The following R3HDM1 variants were observed in gnomAD, a reference collection of about 807,000 sequenced individuals.
R3HDM1 encodes the protein R3H domain-containing protein 1.
Under a neutral mutation model 141.1 loss-of-function variants are expected in R3HDM1, and 46 were observed. The observed-to-expected ratio is 0.33, with a 90% CI of 0.26 to 0.42. R3HDM1 has a LOEUF of 0.42. R3HDM1 is among the 10% of genes least tolerant of loss of function. The pLI, the probability that R3HDM1 is intolerant of heterozygous loss-of-function variation, is 1.00. For missense variants in R3HDM1, 1,184 were observed against 1,368.3 expected, an observed-to-expected ratio of 0.87 and a Z score of 2.12; for synonymous variants, 435 against 472.9, an observed-to-expected ratio of 0.92 and a Z score of 1.04.
chr2:135,536,386 A>G (rs549745460), intron 1 of R3HDM1: 5 of 247,414 alleles, frequency 2.0e-5, no homozygotes, highest in East Asian at 3.6e-4. Context: ...GGCGCAAGCA[A>G]TCCTCCTGCC....
chr2:135,650,837 A>C (rs1231924724), intron 17 of R3HDM1: 2 of 984,868 alleles, frequency 2.0e-6, no homozygotes, highest in South Asian at 4.7e-5. Context: ...GTCAACTTTG[A>C]TATGATGACT....
At chr2:135,617,956 A>G (rs1412247578) in intron 5 of R3HDM1, among the ~76,000 whole-genome samples, 1 of 152,198 alleles carries the variant, frequency 6.6e-6, no homozygotes, top group Non-Finnish European at 1.5e-5. Context: ...CTTGATTTAC[A>G]TGATACCCTC....
intron 1 of R3HDM1, among the ~76,000 whole-genome samples, chr2:135,562,395 G>A (rs1469438834): frequency 6.6e-6 from 1 of 152,172 alleles, no homozygotes; most frequent in Non-Finnish European, 1.5e-5. Context: ...AGAATTTAAA[G>A]TTGAGTATTA....
At chr2:135,689,262 G>A (rs566451738) in intron 21 of R3HDM1, among the ~76,000 whole-genome samples, 1 of 152,258 alleles carries the variant, frequency 6.6e-6, no homozygotes, top group East Asian at 1.9e-4. Flanking sequence ...CATTAGCAGA[G>A]AAGTCATGAT....
At chr2:135,686,595 G>A (rs548380851) in intron 21 of R3HDM1, among the ~76,000 whole-genome samples, 1 of 152,228 alleles carries the variant, frequency 6.6e-6, no homozygotes, top group East Asian at 1.9e-4. Flanking sequence ...AAGTAGCTGG[G>A]TATAGTGACA....
intron 5 of R3HDM1, among the ~76,000 whole-genome samples, chr2:135,618,935 G>A (rs1233269016): frequency 2.0e-5 from 3 of 151,414 alleles, no homozygotes; most frequent in South Asian, 2.1e-4. Context: ...CAGGAGAATC[G>A]CTTGAACCCA....
intron 21 of R3HDM1, among the ~76,000 whole-genome samples, chr2:135,702,859 C>G (rs966949103): frequency 6.6e-6 from 1 of 152,016 alleles, no homozygotes; most frequent in Non-Finnish European, 1.5e-5. Context: ...TAGGAACAGA[C>G]TTAAGAGGTG....
At chr2:135,542,120 CTCA>C (rs940519182) in intron 1 of R3HDM1, among the ~76,000 whole-genome samples, 22 of 152,254 alleles carry the variant, frequency 1.4e-4, no homozygotes, top group African/African-American at 5.3e-4. Flanking sequence ...TTGACTGCAA[CTCA>C]TCATGTAAGT....
chr2:135,716,206 G>A (rs1480587116), intron 24 of R3HDM1, among the ~76,000 whole-genome samples: 1 of 152,126 alleles, frequency 6.6e-6, no homozygotes, highest in Non-Finnish European at 1.5e-5. Flanking sequence ...AGGCTGAAGC[G>A]GGAGGATCAC....
At chr2:135,600,833 T>C (rs1428961875) in intron 1 of R3HDM1, among the ~76,000 whole-genome samples, 4 of 152,226 alleles carry the variant, frequency 2.6e-5, no homozygotes, top group African/African-American at 9.7e-5. Flanking sequence ...ACTTGAATGC[T>C]GAATTACAAT....
At chr2:135,594,003 A>AG (rs1671421704) in intron 1 of R3HDM1, among the ~76,000 whole-genome samples, 1 of 152,176 alleles carries the variant, frequency 6.6e-6, no homozygotes, top group Non-Finnish European at 1.5e-5. Context: ...TACAGGCATG[A>AG]GCCACTGCGC....
At chr2:135,555,963 C>T (rs1700683078) in intron 1 of R3HDM1, among the ~76,000 whole-genome samples, 1 of 152,050 alleles carries the variant, frequency 6.6e-6, no homozygotes, top group Admixed American at 6.6e-5. Flanking sequence ...CTGCAGTGAG[C>T]CATGATCTTG....
chr2:135,658,355 A>T (rs551217357), intron 18 of R3HDM1, among the ~76,000 whole-genome samples: 1 of 152,222 alleles, frequency 6.6e-6, no homozygotes, highest in African/African-American at 2.4e-5. Flanking sequence ...TTTAGTAGAG[A>T]CAGGGTTTCA....
chr2:135,682,742 A>G lies in R3HDM1; in HGVS notation c.2459+2418A>G, dbSNP rs577602697. 2.0e-5 allele frequency among the ~76,000 whole-genome samples: 3 copies of G among 152,360 alleles called. No homozygotes were observed. In the East Asian group the frequency reaches 5.8e-4, roughly 29 times the overall value. ...TTGGGCATGGTGGCTCACGCCTGTA[A>G]TCCCAGCACTTTGGGAAGCTGAGGC... On this transcript the variant is annotated intron_variant, in intron 21 of 26. Transcript: ENST00000683871.
At chr2:135,661,704 A>G (rs1470841443) in intron 19 of R3HDM1, among the ~76,000 whole-genome samples, 2 of 152,174 alleles carry the variant, frequency 1.3e-5, no homozygotes, top group East Asian at 1.9e-4. Flanking sequence ...TAAATCACCT[A>G]TGGTAACAGC....
intron 19 of R3HDM1, chr2:135,667,355 C>G (rs555753289): frequency 2.0e-6 from 1 of 496,080 alleles, no homozygotes; most frequent in East Asian, 1.5e-4. Flanking sequence ...GATAATATTG[C>G]AACAGTGCAG....
intron 16 of R3HDM1, 96 bp downstream of exon 16, chr2:135,645,623 C>G: frequency 7.1e-7 from 1 of 1,410,242 alleles, no homozygotes; most frequent in Non-Finnish European, 9.7e-7. Flanking sequence ...CTAAGTATCT[C>G]TTAGAACTTT....
intron 1 of R3HDM1, among the ~76,000 whole-genome samples, chr2:135,563,115 A>G (rs1168546084): frequency 6.6e-6 from 1 of 152,130 alleles, no homozygotes; most frequent in East Asian, 1.9e-4. Flanking sequence ...CTGATAACCT[A>G]ATTTTTTCAT....
At chr2:135,621,200 G>A (rs974119722) in intron 5 of R3HDM1, among the ~76,000 whole-genome samples, 4 of 151,884 alleles carry the variant, frequency 2.6e-5, no homozygotes, top group African/African-American at 9.7e-5. Flanking sequence ...ATCCTCCGGG[G>A]ATTTTACAAG....
Sources: allele counts gnomAD v4.1 joint callset (sites outside exome capture counted in the v4.1 genomes callset), GRCh38; gene constraint gnomAD v4.1.1; transcripts MANE v1.5; gene names NCBI Gene and HGNC (gene_info 2026-07-23, HGNC 2026-07-21).